The following RASGEF1B variants were observed in gnomAD, a reference collection of about 807,000 sequenced individuals.
The protein encoded by RASGEF1B is RasGEF domain family member 1B.
RASGEF1B carries 30 observed loss-of-function variants against 65.7 expected under a neutral mutation model. That is an observed-to-expected ratio of 0.46 (90% CI 0.34 to 0.62). The LOEUF is 0.62. Ranked by LOEUF, RASGEF1B falls within the 20% of genes least tolerant of loss-of-function variation. The pLI is 0.01. For synonymous variants in RASGEF1B, 175 were observed against 194.8 expected (o/e 0.90, Z 0.85); for missense variants, 495 against 580.1 (o/e 0.85, Z 1.51).
chr4:81,454,066 A>G (rs1207883338), intron 4 of RASGEF1B: 7 of 152,200 alleles, frequency 4.6e-5, no homozygotes, highest in Admixed American at 4.6e-4. Context: ...TTTCATGCTC[A>G]AAACCATCTG....
Position 81,466,628 on chromosome 4 carries a change from G to A in RASGEF1B, c.-7+5142C>T, listed in dbSNP as rs574561577. On this transcript the variant is annotated intron_variant, in intron 1 of 13. Coordinates refer to ENST00000264400, the MANE Select transcript of RASGEF1B (RefSeq NM_152545.3). ...CAAAAAATTAGCTGGGCGTGGTGGC[G>A]GGTGCCTGTAGTCCCAGCTACTGGG... is the stretch of plus-strand genomic sequence containing the variant. 1.3e-4 allele frequency among the ~76,000 whole-genome samples: 20 copies of A among 151,490 alleles called. No homozygotes were observed. In the East Asian group the frequency reaches 1.7e-3, roughly 13 times the overall value.
intron 1 of RASGEF1B, among the ~76,000 whole-genome samples, chr4:81,470,832 G>C (rs79721317): frequency 6.6e-6 from 1 of 152,144 alleles, no homozygotes; most frequent in Non-Finnish European, 1.5e-5. Context: ...GCTTTTGCCT[G>C]AACTGCGCCG....
chr4:81,433,218 G>A (rs1186438044), intron 12 of RASGEF1B, among the ~76,000 whole-genome samples: 1 of 146,046 alleles, frequency 6.8e-6, no homozygotes, highest in Non-Finnish European at 1.5e-5. Context: ...GACAGAGTGA[G>A]TTGCTGTCTT....
chr4:81,433,971 A>G lies in RASGEF1B; in HGVS notation c.1201-8T>C, dbSNP rs555834798. On this transcript the variant is annotated splice_polypyrimidine_tract_variant and splice_region_variant and intron_variant, in intron 11 of 13. Transcript: ENST00000264400. Reference sequence around the variant, plus strand: ...GGCCAGTTCCCAAAATTTCTGGAAGATAAGTAAAAAAAGAATATAAAGGTG... The same window carrying G: ...GGCCAGTTCCCAAAATTTCTGGAAGGTAAGTAAAAAAAGAATATAAAGGTG... The G allele has an allele frequency of 6.2e-7, 1 of 1,610,948 alleles. No homozygotes were observed. Among genetic ancestry groups the G allele is most frequent in the South Asian group, 1.1e-5 (1 of 90,942 alleles).
At chr4:81,469,394 C>A (rs972297403) in intron 1 of RASGEF1B, among the ~76,000 whole-genome samples, 2 of 152,110 alleles carry the variant, frequency 1.3e-5, no homozygotes, top group Admixed American at 6.5e-5. Context: ...AGGTACTCTG[C>A]GGATATTGAC....
chr4:81,456,366 GTAAAGTAAAATTAAAACA>G, intron 4 of RASGEF1B: 1 of 598,198 alleles, frequency 1.7e-6, no homozygotes, highest in Non-Finnish European at 3.0e-6. Context: ...AAAGGTAAAA[GTAAAGTAAAATTAAAACA>G]TACTTGCAAC....
At chr4:81,465,934 A>T (rs529983258) in intron 1 of RASGEF1B, among the ~76,000 whole-genome samples, 225 of 152,242 alleles carry the variant, frequency 1.5e-3, no homozygotes, top group African/African-American at 5.2e-3. Flanking sequence ...AAAAAGGTTT[A>T]TTTTTTTCAA....
At chr4:81,439,712 T>C (rs1465081232) in intron 10 of RASGEF1B, among the ~76,000 whole-genome samples, 1 of 152,206 alleles carries the variant, frequency 6.6e-6, no homozygotes, top group East Asian at 1.9e-4. Flanking sequence ...AAAGACCTCA[T>C]ATTAGATTTT....
chr4:81,456,562 G>T, intron 4 of RASGEF1B, 89 bp downstream of exon 4: 3 of 1,403,646 alleles, frequency 2.1e-6, no homozygotes, highest in Non-Finnish European at 2.0e-6. Flanking sequence ...AGAGGAAGCA[G>T]TGGAGATTAG....
At chr4:81,434,601 T>C in intron 11 of RASGEF1B, 38 bp downstream of exon 11, 1 of 1,244,654 alleles carries the variant, frequency 8.0e-7, no homozygotes, top group Non-Finnish European at 1.2e-6. Flanking sequence ...CCCCTCTCCT[T>C]GTGCTTGGAT....
At chr4:81,466,798 G>GAAAGAAAGAAAGAAAGAAAA in intron 1 of RASGEF1B, among the ~76,000 whole-genome samples, 1 of 145,116 alleles carries the variant, frequency 6.9e-6, no homozygotes, top group Admixed American at 6.9e-5. Flanking sequence ...AAGAAAGAAA[G>GAAAGAAAGAAAGAAAGAAAA]AAAGAAAGAA....
At chr4:81,428,313 A>C (rs1391915189) in intron 13 of RASGEF1B, among the ~76,000 whole-genome samples, 3 of 152,180 alleles carry the variant, frequency 2.0e-5, no homozygotes, top group Non-Finnish European at 4.4e-5. Flanking sequence ...CTGCCTTCAA[A>C]GCTAATGTAT....
intron 9 of RASGEF1B, 99 bp from the exon 10 acceptor site, chr4:81,441,028 A>C: frequency 1.4e-6 from 1 of 733,602 alleles, no homozygotes. Context: ...AAAATTCAAA[A>C]TAAGTTAGGA....
At chr4:81,471,169 C>T (rs1255864110) in intron 1 of RASGEF1B, 2 of 152,208 alleles carry the variant, frequency 1.3e-5, no homozygotes, top group African/African-American at 2.4e-5. Flanking sequence ...GAGTATGTGA[C>T]TTCTGTTCCC....
chr4:81,434,595 T>C (rs370238991), intron 11 of RASGEF1B, 44 bp downstream of exon 11: 78 of 1,159,354 alleles, frequency 6.7e-5, no homozygotes, highest in Middle Eastern at 3.8e-4. Context: ...AAGCTGCCCC[T>C]CTCCTTGTGC....
chr4:81,448,876 G>T (rs907187845), intron 4 of RASGEF1B, among the ~76,000 whole-genome samples: 1 of 152,022 alleles, frequency 6.6e-6, no homozygotes, highest in Non-Finnish European at 1.5e-5. Flanking sequence ...GTGCAGTGAC[G>T]TGATCTTGTC....
Position 81,457,561 on chromosome 4 carries a change from T to G in RASGEF1B, c.238A>C (p.Met80Leu). The change falls in exon 3 of 14, where the codon ATG becomes CTG. Residue 80 changes from methionine to leucine, a missense_variant. Transcript: ENST00000264400. ...SRLFMHPYEL[M>L]AKVCHLCVEH... ...ACACATAAGTGGCAAACTTTGGCCA[T>G]TAGCTCATACGGATGCATAAATAAC... 6.2e-7 allele frequency: 1 copy of G among 1,614,098 alleles called. No individual in the cohort carries two copies. Among genetic ancestry groups the G allele is most frequent in the Non-Finnish European group, 8.5e-7 (1 of 1,179,968 alleles).
At chr4:81,459,878 A>C (rs932677585) in intron 1 of RASGEF1B, among the ~76,000 whole-genome samples, 1 of 152,220 alleles carries the variant, frequency 6.6e-6, no homozygotes, top group South Asian at 2.1e-4. Context: ...TGGAGTCAAC[A>C]ATTTTCCTAA....
intron 10 of RASGEF1B, among the ~76,000 whole-genome samples, chr4:81,437,748 A>T (rs1038457039): frequency 6.6e-6 from 1 of 152,306 alleles, no homozygotes; most frequent in African/African-American, 2.4e-5. Flanking sequence ...AGGATATTTT[A>T]CTGCTCTGTT....
Sources: gnomAD v4.1 joint callset for allele counts (sites outside exome capture counted in the v4.1 genomes callset) on GRCh38, gnomAD v4.1.1 for gene constraint, MANE v1.5 for transcripts, NCBI Gene and HGNC (gene_info 2026-07-23, HGNC 2026-07-21) for gene names.